GPC3: variants seen among roughly 807,000 people sequenced by gnomAD.
GPC3 encodes glypican-3.
GPC3 carries 3 observed loss-of-function variants against 34.4 expected under a neutral mutation model. The observed-to-expected ratio is 0.09, with a 90% CI of 0.04 to 0.23. The LOEUF (loss-of-function observed/expected upper bound fraction) is 0.23. Ranked by LOEUF, GPC3 falls within the 10% of genes least tolerant of loss-of-function variation. GPC3 has a pLI of 1.00. For missense variants in GPC3, 351 were observed against 445.6 expected (o/e 0.79, Z 1.91); for synonymous variants, 177 against 174.0 (o/e 1.02, Z -0.13).
chrX:133,726,967 C>CT (rs1212447543), intron 3 of GPC3, among the ~76,000 whole-genome samples: 1 of 111,855 alleles, frequency 8.9e-6, no homozygotes, highest in Non-Finnish European at 1.9e-5. Flanking sequence ...AAGCAAGATG[C>CT]TTGACTTGAG....
At chrX:133,794,162 T>A (rs1186492507) in intron 2 of GPC3, among the ~76,000 whole-genome samples, 2 of 112,403 alleles carry the variant, frequency 1.8e-5, no homozygotes, top group African/African-American at 6.5e-5. Context: ...ATAGTGTTTT[T>A]ATCCCAATTG....
chrX:133,781,821 T>G (rs1003238054), intron 2 of GPC3, among the ~76,000 whole-genome samples: 1 of 111,674 alleles, frequency 9.0e-6, no homozygotes, highest in African/African-American at 3.3e-5. Flanking sequence ...GACATGGTAC[T>G]AAGGGTGCCA....
At chrX:133,700,229 T>A (rs1007424841) in intron 3 of GPC3, among the ~76,000 whole-genome samples, 7 of 111,861 alleles carry the variant, frequency 6.3e-5, no homozygotes, top group Admixed American at 2.8e-4. Context: ...GGGGGCCCCA[T>A]TCTAAGTACA....
intron 5 of GPC3, among the ~76,000 whole-genome samples, chrX:133,684,974 G>A (rs951159062): frequency 1.1e-4 from 12 of 107,758 alleles, no homozygotes; most frequent in Non-Finnish European, 1.7e-4. Flanking sequence ...AGACTTTTTC[G>A]TGTTAGAAAT....
chrX:133,793,441 T>G (rs1025273587), intron 2 of GPC3, among the ~76,000 whole-genome samples: 2 of 112,034 alleles, frequency 1.8e-5, no homozygotes, highest in Non-Finnish European at 3.8e-5. Context: ...TGCATTTAAG[T>G]TTGACAATAC....
intron 3 of GPC3, among the ~76,000 whole-genome samples, chrX:133,713,312 C>T (rs1192522832): frequency 8.9e-6 from 1 of 112,143 alleles, no homozygotes; most frequent in Non-Finnish European, 1.9e-5. Context: ...GGTAAAACTG[C>T]TTGCACTTTA....
chrX:133,713,953 A>G (rs1321105579), intron 3 of GPC3, among the ~76,000 whole-genome samples: 1 of 112,243 alleles, frequency 8.9e-6, no homozygotes, highest in African/African-American at 3.2e-5. Context: ...AAAATTTTTC[A>G]AATGACCAAG....
intron 2 of GPC3, among the ~76,000 whole-genome samples, chrX:133,755,947 T>C (rs985088722): frequency 4.5e-5 from 5 of 112,310 alleles, no homozygotes; most frequent in Non-Finnish European, 9.4e-5. Context: ...CATTTTAATT[T>C]CAGCTAGCAA....
At chrX:133,895,281 T>C (rs1189184015) in intron 2 of GPC3, among the ~76,000 whole-genome samples, 3 of 111,894 alleles carry the variant, frequency 2.7e-5, no homozygotes, top group Non-Finnish European at 3.8e-5. Context: ...GAAAGAGATG[T>C]CTTCCTTTAT....
rs1400394411 is a variant in GPC3 at position 133,878,047 on chromosome X, CT to C, written c.337+75002del. 6.3e-5 allele frequency among the ~76,000 whole-genome samples: 7 copies of C among 111,909 alleles called. No individual in the cohort carries two copies. In the East Asian group the frequency reaches 1.1e-3, roughly 18 times the overall value. ...ATCAGAAAAAAAGAATTTTAACTTACTTTTTTTCTCTATTTTGAAAATTATA... is the reference window on the plus strand; with the variant it reads ...ATCAGAAAAAAAGAATTTTAACTTACTTTTTTCTCTATTTTGAAAATTATA... On this transcript the variant is annotated intron_variant, in intron 2 of 7. Coordinates refer to ENST00000370818, the MANE Select transcript of GPC3 (RefSeq NM_004484.4).
chrX:133,958,632 T>A (rs1485870781), intron 1 of GPC3, among the ~76,000 whole-genome samples: 7 of 103,649 alleles, frequency 6.8e-5, no homozygotes, highest in Non-Finnish European at 1.4e-4. Flanking sequence ...TTAACTTGGA[T>A]CTTGGAAAAA....
intron 2 of GPC3, among the ~76,000 whole-genome samples, chrX:133,908,103 C>T (rs2076178317): frequency 1.8e-5 from 2 of 111,340 alleles, no homozygotes; most frequent in South Asian, 7.5e-4. Context: ...TTAAACCAGA[C>T]ATGCAAGTCT....
chrX:133,897,060 C>T (rs1455800439), intron 2 of GPC3, among the ~76,000 whole-genome samples: 2 of 109,235 alleles, frequency 1.8e-5, no homozygotes, highest in African/African-American at 3.3e-5. Context: ...GCGCCCACAA[C>T]CACGCCCAGC....
At position 133,889,743 on chromosome X, in the gene GPC3, A is replaced by G. The variant is rs757381148; in HGVS notation, c.337+63307T>C. On this transcript the variant is annotated intron_variant, in intron 2 of 7. Coordinates refer to ENST00000370818, the MANE Select transcript of GPC3 (RefSeq NM_004484.4). ...GAGAAATTAGAAAACACAGATAAAA[A>G]AGAAGAAAATAACCACCCCCACCCC... Among the ~76,000 whole-genome samples the G allele has an allele frequency of 7.3e-5, 8 of 109,814 alleles. No individual in the cohort carries two copies. The South Asian group carries it at 2.8e-3, about 38-fold the overall frequency.
intron 7 of GPC3, among the ~76,000 whole-genome samples, chrX:133,549,429 G>C (rs1027342698): frequency 9.0e-6 from 1 of 111,141 alleles, no homozygotes; most frequent in Non-Finnish European, 1.9e-5. Flanking sequence ...CCTAATTCCT[G>C]AGCATGGCAT....
Position 133,953,172 on chromosome X carries a change from C to T in GPC3, c.215G>A (p.Cys72Tyr). 2.5e-6 allele frequency: 3 copies of T among 1,208,872 alleles called. No homozygotes were observed. The highest frequency in any genetic ancestry group is 3.4e-6 in the Non-Finnish European group (3 of 893,370). ...TTTTTCTTCCATCTTTCTTGAGCAG[C>T]ATGTTGGGCCCTTAGGGAGACATAC... is the stretch of plus-strand genomic sequence containing the variant. ...LQVCLPKGPTCCSRKMEEKYQ... is the reference protein window; with the variant it reads ...LQVCLPKGPTYCSRKMEEKYQ... The change falls in exon 2 of 8, where the codon TGC becomes TAC. Residue 72 changes from cysteine (C) to tyrosine (Y), a missense_variant. By Grantham distance (194) the Cys-to-Tyr change is radical. Coordinates refer to ENST00000370818, the MANE Select transcript of GPC3 (RefSeq NM_004484.4).
chrX:133,814,926 C>T (rs1172834838), intron 2 of GPC3, among the ~76,000 whole-genome samples: 1 of 111,109 alleles, frequency 9.0e-6, no homozygotes, highest in Non-Finnish European at 1.9e-5. Context: ...CAGTGCCTCT[C>T]CTGTTCCAAA....
rs775195930 is a variant in GPC3, at chrX:133,677,815, A to G, written c.1292+14554T>C. Among the ~76,000 whole-genome samples the G allele has an allele frequency of 3.6e-5, 4 of 111,649 alleles. No individual in the cohort carries two copies. The South Asian group carries it at 1.5e-3, about 43-fold the overall frequency. Reference sequence around the variant, plus strand: ...AGAGAAGCATGGTATGAGAGGCAGGAAATGTACTTCTACTCTCAAGGAGCA... The same window carrying G: ...AGAGAAGCATGGTATGAGAGGCAGGGAATGTACTTCTACTCTCAAGGAGCA... On this transcript the variant is annotated intron_variant, in intron 5 of 7. Transcript: ENST00000370818.
At chrX:133,920,047 C>T (rs1048047399) in intron 2 of GPC3, among the ~76,000 whole-genome samples, 1 of 108,511 alleles carries the variant, frequency 9.2e-6, no homozygotes, top group Non-Finnish European at 1.9e-5. Context: ...TGCCTGTAGT[C>T]CCAGCTACTT....
Sources: allele counts gnomAD v4.1 joint callset (sites outside exome capture counted in the v4.1 genomes callset), GRCh38; gene constraint gnomAD v4.1.1; transcripts MANE v1.5; gene names NCBI Gene and HGNC (gene_info 2026-07-23, HGNC 2026-07-21).